BCAS3: variants seen among roughly 807,000 people sequenced by gnomAD.
BCAS3 encodes the protein BCAS4/BCAS3 fusion.
In BCAS3, 53 loss-of-function variants were observed where a neutral mutation model predicts 116.1. The ratio of observed to expected loss-of-function variants is 0.46; its 90% CI spans 0.37 to 0.57. The LOEUF (loss-of-function observed/expected upper bound fraction) is 0.57. BCAS3 is among the 20% of genes least tolerant of loss of function. The probability of loss-of-function intolerance (pLI) is 0.00; values close to 1 mark genes in which losing one functional copy is unlikely to be tolerated. For missense variants in BCAS3, 917 were observed against 1,165.4 expected (o/e 0.79, Z 3.10); for synonymous variants, 391 against 408.2 (o/e 0.96, Z 0.51).
Position 61,028,860 on chromosome 17 carries a change from G to A in BCAS3, c.1638-5806G>A, listed in dbSNP as rs1413594562. Among the ~76,000 whole-genome samples the A allele has an allele frequency of 6.6e-6, 1 of 151,818 alleles. No homozygotes were observed. Among genetic ancestry groups the A allele is most frequent in the Non-Finnish European group, 1.5e-5 (1 of 67,812 alleles). ...TTAGTCACTTATACTAGACTAAAAG[G>A]TTCTCCTTTAAAATGTTACTTTCCC... On this transcript the variant is annotated intron_variant, in intron 16 of 23. Coordinates refer to ENST00000407086, the MANE Select transcript of BCAS3 (RefSeq NM_017679.5). This position sits in a 1 kb window ranked among gnomAD's most constrained non-coding sequence, Gnocchi z 4.3.
intron 22 of BCAS3, among the ~76,000 whole-genome samples, chr17:61,295,546 C>G (rs956187947): frequency 6.6e-6 from 1 of 152,192 alleles, no homozygotes. Context: ...CAGTGCCTTC[C>G]TGATGAGGGT....
At chr17:60,910,825 T>C (rs1473537744) in intron 12 of BCAS3, 123 bp downstream of exon 12, 2 of 907,698 alleles carry the variant, frequency 2.2e-6, no homozygotes, top group East Asian at 5.8e-5. Flanking sequence ...ATTCAGATTA[T>C]TTCAAATGAG....
rs1029561267 is a variant in BCAS3 at position 60,692,308 on chromosome 17, C to T, written c.214+2547C>T. 1.2e-4 allele frequency among the ~76,000 whole-genome samples: 19 copies of T among 152,182 alleles called. No homozygotes were observed. In the South Asian group the frequency reaches 2.7e-3, roughly 22 times the overall value. ...AGGCTGGAGTGCACCCAGGCGCGAT[C>T]TCAGCTCACTGCAAGCTTCGCCTCC... On this transcript the variant is annotated intron_variant, in intron 4 of 23. Transcript: ENST00000407086.
rs1464417061 is a variant in BCAS3 at position 61,115,863 on chromosome 17, C to T, written c.2425+31299C>T. On this transcript the variant is annotated intron_variant, in intron 22 of 23. Transcript: ENST00000407086. ...ACCCAAATGTCCAACAATGATAGAC[C>T]GGATTAAGAAAATGTGGCACATATA... Among the ~76,000 whole-genome samples, 847 of 150,352 alleles carry T rather than the reference C, an allele frequency of 5.6e-3. 9 individuals are homozygous for T. Among genetic ancestry groups the T allele is most frequent in the Non-Finnish European group, 8.9e-3 (599 of 67,094 alleles).
At chr17:60,984,149 C>T (rs1343523518) in intron 14 of BCAS3, among the ~76,000 whole-genome samples, 1 of 152,122 alleles carries the variant, frequency 6.6e-6, no homozygotes, top group Non-Finnish European at 1.5e-5. Context: ...TCACAATAGT[C>T]GAGATTGGCA....
rs2074062258 is a variant in BCAS3 at position 61,097,592 on chromosome 17, C to G, written c.2425+13028C>G. Among the ~76,000 whole-genome samples the G allele has an allele frequency of 6.6e-6, 1 of 152,162 alleles. No homozygotes were observed. Among genetic ancestry groups the G allele is most frequent in the Non-Finnish European group, 1.5e-5 (1 of 68,036 alleles). ...TGTGAGATCCCCATGTCTGAATAAT[C>G]AAGAGGCTCTATGAGGAATCTTCAG... On this transcript the variant is annotated intron_variant, in intron 22 of 23. Transcript: ENST00000407086. This position sits in a 1 kb window ranked among gnomAD's most constrained non-coding sequence, Gnocchi z 4.0.
chr17:60,937,777 C>T (rs2145210211), intron 13 of BCAS3, among the ~76,000 whole-genome samples: 1 of 152,310 alleles, frequency 6.6e-6, no homozygotes, highest in East Asian at 1.9e-4. Context: ...TACCAAATTC[C>T]TACTAACCTC....
chr17:60,804,484 A>C (rs1432549072), intron 6 of BCAS3, among the ~76,000 whole-genome samples: 1 of 152,098 alleles, frequency 6.6e-6, no homozygotes, highest in Non-Finnish European at 1.5e-5. Flanking sequence ...AAAGAAAAAC[A>C]AGAACACACA....
intron 16 of BCAS3, among the ~76,000 whole-genome samples, chr17:61,024,601 T>C (rs1342427018): frequency 6.6e-6 from 1 of 151,914 alleles, no homozygotes; most frequent in East Asian, 1.9e-4. Context: ...GTTGGAGAAA[T>C]CTCCTTTTGG....
chr17:60,877,885 A>G (rs1243675717), intron 9 of BCAS3, among the ~76,000 whole-genome samples: 2 of 152,174 alleles, frequency 1.3e-5, no homozygotes, highest in East Asian at 3.8e-4. Context: ...TCTGAAATGT[A>G]TGTTACTTAA....
intron 6 of BCAS3, among the ~76,000 whole-genome samples, chr17:60,779,528 C>G (rs2045611075): frequency 7.1e-6 from 1 of 140,732 alleles, no homozygotes; most frequent in Admixed American, 6.9e-5. Flanking sequence ...TGCCACAACG[C>G]CTAGCTAATT....
rs2082138507 is a variant in BCAS3 at position 61,222,011 on chromosome 17, A to G, written c.2425+137447A>G. On this transcript the variant is annotated intron_variant, in intron 22 of 23. Transcript: ENST00000407086. The surrounding 1 kb of genome is among the most constrained non-coding windows in gnomAD (Gnocchi z 6.1). Reference sequence around the variant, plus strand: ...CCTGGCACACGGTGACGTGCTTAACAGGGGCTGATATTACTATTACTATTA... The same window carrying G: ...CCTGGCACACGGTGACGTGCTTAACGGGGGCTGATATTACTATTACTATTA... Among the ~76,000 whole-genome samples, 1 of 152,200 alleles carries G rather than the reference A, an allele frequency of 6.6e-6. No homozygotes were observed. Among genetic ancestry groups the G allele is most frequent in the South Asian group, 2.1e-4 (1 of 4,834 alleles).
At chr17:61,295,891 G>T (rs2052846660) in intron 22 of BCAS3, among the ~76,000 whole-genome samples, 1 of 150,828 alleles carries the variant, frequency 6.6e-6, no homozygotes, top group South Asian at 2.1e-4. Context: ...GGAGGCGGAG[G>T]TTGCAGTGAG....
At chr17:61,119,523 G>A (rs192174933) in intron 22 of BCAS3, among the ~76,000 whole-genome samples, 17 of 152,084 alleles carry the variant, frequency 1.1e-4, no homozygotes, top group African/African-American at 3.6e-4. Context: ...ATAGAAAGAT[G>A]TCTTCTTTAA....
chr17:60,727,057 ATTAT>A (rs1183339118), intron 5 of BCAS3: 3 of 262,990 alleles, frequency 1.1e-5, no homozygotes, highest in South Asian at 1.1e-4. Context: ...TTAAAAAAAA[ATTAT>A]TTATTTATTT....
chr17:61,359,716 C>T (rs1419163282), intron 22 of BCAS3, among the ~76,000 whole-genome samples: 2 of 152,178 alleles, frequency 1.3e-5, no homozygotes, highest in Admixed American at 1.3e-4. Flanking sequence ...GTCTCAGACT[C>T]CTGACTTCAG....
intron 22 of BCAS3, among the ~76,000 whole-genome samples, chr17:61,250,427 A>G (rs1184061981): frequency 6.6e-6 from 1 of 152,190 alleles, no homozygotes; most frequent in African/African-American, 2.4e-5. Context: ...GGACCCAGAG[A>G]AGGCTTGTTT....
Position 61,170,577 on chromosome 17 carries a change from C to T in BCAS3, c.2425+86013C>T, listed in dbSNP as rs187507734. Among the ~76,000 whole-genome samples the T allele has an allele frequency of 2.4e-4, 37 of 152,118 alleles. No homozygotes were observed. In the East Asian group the frequency reaches 7.2e-3, roughly 30 times the overall value. ...AAAGTGCTGGGATTACAGGCGTGAG[C>T]CACCGCGCCTGGCCGATACGATGTA... On this transcript the variant is annotated intron_variant, in intron 22 of 23. Coordinates refer to ENST00000407086, the MANE Select transcript of BCAS3 (RefSeq NM_017679.5).
intron 15 of BCAS3, among the ~76,000 whole-genome samples, chr17:60,991,683 C>T (rs2063535064): frequency 6.6e-6 from 1 of 152,154 alleles, no homozygotes; most frequent in African/African-American, 2.4e-5. Context: ...TGTGACAGTA[C>T]ATTCATGATG....
Sources: allele counts gnomAD v4.1 joint callset (sites outside exome capture counted in the v4.1 genomes callset), GRCh38; gene constraint gnomAD v4.1.1; non-coding constraint Gnocchi (gnomAD v3.1); transcripts MANE v1.5; gene names NCBI Gene and HGNC (gene_info 2026-07-23, HGNC 2026-07-21).